The following PPP1R7 variants were observed in gnomAD, a reference collection of about 807,000 sequenced individuals.
The protein encoded by PPP1R7 is protein phosphatase 1 regulatory subunit 22.
In PPP1R7, 18 loss-of-function variants were observed where a neutral mutation model predicts 45.2. That is an observed-to-expected ratio of 0.40 (90% CI 0.28 to 0.59). PPP1R7 has a LOEUF of 0.59. Ranked by LOEUF, PPP1R7 falls within the 20% of genes least tolerant of loss-of-function variation. The probability of loss-of-function intolerance (pLI) is 0.46; values close to 1 mark genes in which losing one functional copy is unlikely to be tolerated. For missense variants in PPP1R7, 314 were observed against 455.8 expected, an observed-to-expected ratio of 0.69 and a Z score of 2.83; for synonymous variants, 181 against 183.4, an observed-to-expected ratio of 0.99 and a Z score of 0.11.
upstream of PPP1R7, chr2:241,149,831 G>A: frequency 1.3e-6 from 2 of 1,508,444 alleles, no homozygotes; most frequent in African/African-American, 1.4e-5. Flanking sequence ...GCACTGGGCT[G>A]GGAACGACTT....
chr2:241,169,143 A>C (rs1241641287), intron 8 of PPP1R7, among the ~76,000 whole-genome samples: 1 of 152,166 alleles, frequency 6.6e-6, no homozygotes, highest in Non-Finnish European at 1.5e-5. Context: ...GGGGGCACAC[A>C]CCCTGCAGCA....
intron 7 of PPP1R7, among the ~76,000 whole-genome samples, chr2:241,165,203 T>C (rs993662577): frequency 1.3e-5 from 2 of 152,194 alleles, no homozygotes; most frequent in Non-Finnish European, 2.9e-5. Flanking sequence ...ATTTCGCTCT[T>C]ATTGCCCAGG....
At chr2:241,160,271 T>A in intron 5 of PPP1R7, 61 bp from the exon 6 acceptor site, 1 of 1,416,440 alleles carries the variant, frequency 7.1e-7, no homozygotes, top group Non-Finnish European at 9.5e-7. Context: ...GGTTAAATTG[T>A]GAGTTCTATG....
Position 241,154,679 on chromosome 2 carries a change from G to A in PPP1R7, c.181+1075G>A, listed in dbSNP as rs116877582. ...GAGATCACACCACTGCACTCCAGCCGGGGTCAGAATGAGACTCCATCTCAA... is the reference window on the plus strand; with the variant it reads ...GAGATCACACCACTGCACTCCAGCCAGGGTCAGAATGAGACTCCATCTCAA... On this transcript the variant is annotated intron_variant, in intron 2 of 9. Coordinates refer to ENST00000234038, the MANE Select transcript of PPP1R7 (RefSeq NM_002712.3). Among the ~76,000 whole-genome samples the A allele has an allele frequency of 5.9e-4, 90 of 151,748 alleles. No individual in the cohort carries two copies. The East Asian group carries it at 0.015, about 26-fold the overall frequency.
At chr2:241,178,824 G>A (rs1168654407) in intron 9 of PPP1R7, among the ~76,000 whole-genome samples, 4 of 145,456 alleles carry the variant, frequency 2.7e-5, no homozygotes, top group African/African-American at 1.0e-4. Context: ...CCCCACGGAC[G>A]GCTCTTGATG....
At chr2:241,150,280 C>G (rs918020234), upstream of PPP1R7, 5 of 1,318,970 alleles carry the variant, frequency 3.8e-6, no homozygotes, top group Non-Finnish European at 4.8e-6. Context: ...CAGACTGTTC[C>G]GGCTCCGCCG....
rs529005228 is a variant in PPP1R7 at position 241,174,567 on chromosome 2, G to A, written c.906+4700G>A. Among the ~76,000 whole-genome samples, 69 of 152,084 alleles carry A rather than the reference G, an allele frequency of 4.5e-4. 1 individual carries two copies. The highest frequency in any genetic ancestry group is 6.5e-4 in the Non-Finnish European group (44 of 68,022). On this transcript the variant is annotated intron_variant, in intron 9 of 9. Coordinates refer to ENST00000234038, the MANE Select transcript of PPP1R7 (RefSeq NM_002712.3). Reference sequence around the variant, plus strand: ...GTCCTGAAAGTTCCTCCAGGCAGAAGGCCGGGATGATCACACCACCCACCT... The same window carrying A: ...GTCCTGAAAGTTCCTCCAGGCAGAAAGCCGGGATGATCACACCACCCACCT...
At chr2:241,154,876 A>C (rs1383461021) in intron 2 of PPP1R7, 1 of 152,224 alleles carries the variant, frequency 6.6e-6, no homozygotes, top group Non-Finnish European at 1.5e-5. Context: ...ATCCCTTATG[A>C]AAATAAATTT....
intron 4 of PPP1R7, chr2:241,158,841 T>A: frequency 2.1e-6 from 1 of 470,156 alleles, no homozygotes; most frequent in East Asian, 3.4e-5. Flanking sequence ...ACTCGCTGAC[T>A]TTTACAGTCC....
chr2:241,170,017 G>A, intron 9 of PPP1R7, 150 bp downstream of exon 9: 1 of 622,114 alleles, frequency 1.6e-6, no homozygotes, highest in Non-Finnish European at 2.9e-6. Context: ...CGCTCTTGTA[G>A]ACTTGTATTG....
intron 5 of PPP1R7, among the ~76,000 whole-genome samples, chr2:241,159,602 T>C (rs1553621017): frequency 6.6e-6 from 1 of 152,218 alleles, no homozygotes; most frequent in Non-Finnish European, 1.5e-5. Flanking sequence ...AAGGCTGCAG[T>C]GGGGACTTCT....
At chr2:241,170,112 A>G (rs781737735) in intron 9 of PPP1R7, among the ~76,000 whole-genome samples, 35 of 152,248 alleles carry the variant, frequency 2.3e-4, no homozygotes, top group Non-Finnish European at 4.1e-4. Context: ...GGGCCCCACC[A>G]TAGCCCAGAT....
At chr2:241,155,479 A>C (rs1486957069) in intron 2 of PPP1R7, among the ~76,000 whole-genome samples, 2 of 152,240 alleles carry the variant, frequency 1.3e-5, no homozygotes, top group African/African-American at 4.8e-5. Context: ...TATTTATTTA[A>C]GTCTTAAATT....
chr2:241,152,759 TATAAA>T (rs1031812790), intron 1 of PPP1R7, among the ~76,000 whole-genome samples: 1 of 152,166 alleles, frequency 6.6e-6, no homozygotes, highest in Admixed American at 6.5e-5. Context: ...TGAGTAAAGT[TATAAA>T]AAAGAAAAAT....
At chr2:241,174,695 G>A (rs1200356576) in intron 9 of PPP1R7, among the ~76,000 whole-genome samples, 2 of 147,130 alleles carry the variant, frequency 1.4e-5, no homozygotes, top group Non-Finnish European at 3.0e-5. Context: ...TTTTTTTTGA[G>A]ATAGAGTCTT....
chr2:241,167,339 A>T (rs139504207), intron 8 of PPP1R7, among the ~76,000 whole-genome samples: 72 of 152,370 alleles, frequency 4.7e-4, no homozygotes, highest in Non-Finnish European at 9.4e-4. Flanking sequence ...GGAAAAATTC[A>T]AATTTGCCTG....
rs1161812835 is a variant in PPP1R7, at chr2:241,178,661, C to T, written c.907-3986C>T. ...TTTTTTAGACGGAGTCTGGCTCTGT[C>T]CCCCAGGCTGGAGTGCAGTGGCGCA... On this transcript the variant is annotated intron_variant, in intron 9 of 9. Coordinates refer to ENST00000234038, the MANE Select transcript of PPP1R7 (RefSeq NM_002712.3). 9.0e-3 allele frequency among the ~76,000 whole-genome samples: 3 copies of T among 332 alleles called. 1 individual carries two copies. The highest frequency in any genetic ancestry group is 0.026 in the African/African-American group (2 of 78). 0.2% of individuals were successfully genotyped at this position (332 alleles called of 152,430 possible).
intron 9 of PPP1R7, among the ~76,000 whole-genome samples, chr2:241,170,422 G>C (rs184477798): frequency 1.3e-5 from 2 of 152,336 alleles, no homozygotes; most frequent in African/African-American, 2.4e-5. Context: ...CAGAATATAA[G>C]AAGTTTTTGC....
At chr2:241,181,799 CTT>C (rs1333948198) in intron 9 of PPP1R7, among the ~76,000 whole-genome samples, 1 of 152,236 alleles carries the variant, frequency 6.6e-6, no homozygotes, top group Non-Finnish European at 1.5e-5. Flanking sequence ...CCAGCTGCCT[CTT>C]CAGGAGCAGT....
Sources: allele counts gnomAD v4.1 joint callset (sites outside exome capture counted in the v4.1 genomes callset), GRCh38; gene constraint gnomAD v4.1.1; transcripts MANE v1.5; gene names NCBI Gene and HGNC (gene_info 2026-07-23, HGNC 2026-07-21).